NNT: variants seen among roughly 807,000 people sequenced by gnomAD.
NNT encodes nicotinamide nucleotide transhydrogenase, also known as NAD(P) transhydrogenase, mitochondrial.
Under a neutral mutation model 104.8 loss-of-function variants are expected in NNT, and 50 were observed. The ratio of observed to expected loss-of-function variants is 0.48; its 90% CI spans 0.38 to 0.60. The LOEUF is 0.60. NNT is among the 20% of genes least tolerant of loss of function. The pLI is 0.00. For synonymous variants in NNT, 461 were observed against 490.4 expected (o/e 0.94, Z 0.79); for missense variants, 1,131 against 1,330.7 (o/e 0.85, Z 2.33).
intron 17 of NNT, 81 bp from the exon 18 acceptor site, chr5:43,675,430 A>G: frequency 8.3e-7 from 1 of 1,204,070 alleles, no homozygotes; most frequent in Admixed American, 2.7e-5. Context: ...AATGATTCCA[A>G]ATATCATATA....
chr5:43,671,263 G>A (rs1741065384), intron 17 of NNT, among the ~76,000 whole-genome samples: 1 of 152,020 alleles, frequency 6.6e-6, no homozygotes, highest in Non-Finnish European at 1.5e-5. Context: ...TCTTTTAATT[G>A]GAGCATTTAG....
chr5:43,653,088 G>C lies in NNT; in HGVS notation c.1934G>C (p.Arg645Pro), dbSNP rs1442228186. ...LAGLSTQGTA[R>P]LGNALGMIGV... ...GGCCTCTCCACCCAGGGAACAGCAC[G>C]TCTTGGCAATGCACTGGGCATGATT... Residue 645 changes from arginine to proline, a missense_variant, in exon 14 of 22, where the codon CGT (arginine) becomes CCT (proline). Coordinates refer to ENST00000344920, the MANE Select transcript of NNT (RefSeq NM_182977.3). 1 of 1,613,980 alleles carries C rather than the reference G, an allele frequency of 6.2e-7. No homozygotes were observed. The highest frequency in any genetic ancestry group is 8.5e-7 in the Non-Finnish European group (1 of 1,180,022).
At chr5:43,602,906 A>T (rs1172422598), upstream of NNT, 2 of 152,844 alleles carry the variant, frequency 1.3e-5, no homozygotes, top group African/African-American at 2.4e-5. Flanking sequence ...ATTGACAAGG[A>T]CTGGCGGAGG....
chr5:43,686,610 G>T (rs1435379432), intron 19 of NNT, among the ~76,000 whole-genome samples: 1 of 151,972 alleles, frequency 6.6e-6, no homozygotes, highest in Non-Finnish European at 1.5e-5. Context: ...ATCAACATTT[G>T]TTTTAATGTG....
At chr5:43,642,839 A>T (rs1325617485) in intron 7 of NNT, among the ~76,000 whole-genome samples, 1 of 152,312 alleles carries the variant, frequency 6.6e-6, no homozygotes, top group South Asian at 2.1e-4. Context: ...TTCCTTTTTG[A>T]ATCAAATTCT....
At chr5:43,623,903 A>G in intron 5 of NNT, 129 bp from the exon 6 acceptor site, 2 of 835,528 alleles carry the variant, frequency 2.4e-6, no homozygotes, top group Non-Finnish European at 4.2e-6. Context: ...AGGGCTGATC[A>G]TCATTATCAC....
chr5:43,650,386 T>C, intron 11 of NNT, 91 bp from the exon 12 acceptor site: 2 of 882,616 alleles, frequency 2.3e-6, no homozygotes, highest in Non-Finnish European at 3.7e-6. Context: ...CTTTACCCTC[T>C]ATGAATCTAT....
At chr5:43,688,234 G>C (rs1742082665) in intron 19 of NNT, among the ~76,000 whole-genome samples, 1 of 152,092 alleles carries the variant, frequency 6.6e-6, no homozygotes. Context: ...GTGGCTCAGT[G>C]TAATCACTAG....
chr5:43,609,031 T>C (rs951281546), intron 1 of NNT, 112 bp from the exon 2 acceptor site: 3 of 515,388 alleles, frequency 5.8e-6, no homozygotes, highest in Non-Finnish European at 3.4e-6. Flanking sequence ...TGTCTACATG[T>C]AACTGTTATA....
Position 43,677,812 on chromosome 5 carries a change from C to A in NNT, c.2876+6C>A. The A allele has an allele frequency of 2.5e-6, 4 of 1,608,688 alleles. No homozygotes were observed. The highest frequency in any genetic ancestry group is 3.4e-6 in the Non-Finnish European group (4 of 1,175,300). On this transcript the variant is annotated splice_donor_region_variant and intron_variant, in intron 19 of 21. Coordinates refer to ENST00000344920, the MANE Select transcript of NNT (RefSeq NM_182977.3). ...GAGCAAGGCAAAAAAGTCAGGTAAG[C>A]GTTTGCAGTGGAGAGGCTTGCACTA...
At chr5:43,659,863 A>C (rs1740263331) in intron 17 of NNT, among the ~76,000 whole-genome samples, 1 of 152,224 alleles carries the variant, frequency 6.6e-6, no homozygotes, top group Non-Finnish European at 1.5e-5. Flanking sequence ...TAGAAAGATG[A>C]AAATCTTCTA....
chr5:43,639,722 A>C (rs1297913169), intron 7 of NNT, among the ~76,000 whole-genome samples: 1 of 152,126 alleles, frequency 6.6e-6, no homozygotes, highest in East Asian at 1.9e-4. Flanking sequence ...TTCTTGGCAA[A>C]AGTGTGGAAA....
At chr5:43,647,070 T>A (rs997105801) in intron 10 of NNT, among the ~76,000 whole-genome samples, 2 of 152,150 alleles carry the variant, frequency 1.3e-5, no homozygotes, top group African/African-American at 4.8e-5. Flanking sequence ...CTATAAAGAA[T>A]TAAGGACCAG....
At chr5:43,689,955 G>A (rs750002213) in intron 19 of NNT, among the ~76,000 whole-genome samples, 12 of 151,660 alleles carry the variant, frequency 7.9e-5, no homozygotes, top group Admixed American at 1.3e-4. Flanking sequence ...AACCCAATCC[G>A]TCAAAGACAA....
At chr5:43,680,539 A>T (rs1212209239) in intron 19 of NNT, among the ~76,000 whole-genome samples, 4 of 152,196 alleles carry the variant, frequency 2.6e-5, no homozygotes, top group Non-Finnish European at 4.4e-5. Context: ...GCCAGTGTGG[A>T]CATATGATTG....
At chr5:43,645,843 T>C (rs1213566030) in intron 10 of NNT, among the ~76,000 whole-genome samples, 1 of 149,226 alleles carries the variant, frequency 6.7e-6, no homozygotes, top group Non-Finnish European at 1.5e-5. Context: ...GCCTCCCAAG[T>C]AGCTGGGACT....
At chr5:43,676,016 T>C (rs909498066) in intron 18 of NNT, among the ~76,000 whole-genome samples, 9 of 152,226 alleles carry the variant, frequency 5.9e-5, no homozygotes, top group African/African-American at 2.2e-4. Flanking sequence ...TGAAAGTCTT[T>C]AGCTCACTCA....
chr5:43,621,998 G>A (rs1343319514), intron 5 of NNT, among the ~76,000 whole-genome samples: 3 of 152,254 alleles, frequency 2.0e-5, no homozygotes, highest in Non-Finnish European at 4.4e-5. Context: ...TCTCTTCTAG[G>A]TCATGTTATA....
chr5:43,647,546 A>G (rs1248009236), intron 10 of NNT, among the ~76,000 whole-genome samples: 1 of 152,152 alleles, frequency 6.6e-6, no homozygotes, highest in Non-Finnish European at 1.5e-5. Flanking sequence ...TTTCTTTTAT[A>G]TGTATCAGGA....
Sources: gnomAD v4.1 joint callset for allele counts (sites outside exome capture counted in the v4.1 genomes callset) on GRCh38, gnomAD v4.1.1 for gene constraint, MANE v1.5 for transcripts, NCBI Gene and HGNC (gene_info 2026-07-23, HGNC 2026-07-21) for gene names.